Variants in SATB1 observed in about 807,000 individuals in gnomAD.
The protein encoded by SATB1 is DNA-binding protein SATB1.
In SATB1, 11 loss-of-function variants were observed where a neutral mutation model predicts 86.9. The observed-to-expected ratio is 0.13, with a 90% CI of 0.08 to 0.21. The LOEUF (loss-of-function observed/expected upper bound fraction) is 0.21, where lower values mean the gene tolerates loss of function less well. Ranked by LOEUF, SATB1 falls within the 10% of genes least tolerant of loss-of-function variation. SATB1 has a pLI of 1.00. For synonymous variants in SATB1, 357 were observed against 357.2 expected, an observed-to-expected ratio of 1.00 and a Z score of 0.01; for missense variants, 551 against 937.6, an observed-to-expected ratio of 0.59 and a Z score of 5.39.
intron 8 of SATB1, among the ~76,000 whole-genome samples, chr3:18,385,550 G>C (rs1466639906): frequency 1.3e-5 from 2 of 151,594 alleles, no homozygotes; most frequent in Non-Finnish European, 2.9e-5. Flanking sequence ...GTGAACCCGG[G>C]AGGCAGAGCT....
At chr3:18,351,814 G>T in intron 10 of SATB1, 178 bp downstream of exon 10, 2 of 621,468 alleles carry the variant, frequency 3.2e-6, no homozygotes, top group Non-Finnish European at 5.6e-6. Context: ...CGATACATAC[G>T]CTGGAAAAAG....
chr3:18,387,215 C>T (rs374187586), intron 7 of SATB1, among the ~76,000 whole-genome samples: 1 of 152,182 alleles, frequency 6.6e-6, no homozygotes. Flanking sequence ...TTTCAGAGAA[C>T]CTCACTGATT....
intron 2 of SATB1, among the ~76,000 whole-genome samples, chr3:18,436,108 A>G (rs1699050926): frequency 6.6e-6 from 1 of 152,218 alleles, no homozygotes. Flanking sequence ...TTTCAGAATT[A>G]GTTTTAAGGA....
upstream of SATB1, among the ~76,000 whole-genome samples, chr3:18,443,437 G>A (rs917034782): frequency 6.6e-6 from 1 of 152,236 alleles, no homozygotes; most frequent in African/African-American, 2.4e-5. This position sits in a 1 kb window ranked among gnomAD's most constrained non-coding sequence, Gnocchi z 4.4. Context: ...CACTGAGAAA[G>A]TTCGCCAAGG....
At chr3:18,408,577 G>T (rs1575154037) in intron 5 of SATB1, 1 of 151,952 alleles carries the variant, frequency 6.6e-6, no homozygotes, top group Non-Finnish European at 1.5e-5. Flanking sequence ...TTATGTTAAA[G>T]GCTCTCTTAT....
chr3:18,386,384 A>G lies in SATB1; in HGVS notation c.1419+15T>C. On this transcript the variant is annotated intron_variant, in intron 8 of 10. Transcript: ENST00000338745. This position sits in a 1 kb window ranked among gnomAD's most constrained non-coding sequence, Gnocchi z 4.5. ...AGCTAAACAAAGAAGGGCAAGGAGG[A>G]AAAGGAGACCGCACCTGGGGAGGAC... The G allele has an allele frequency of 6.2e-7, 1 of 1,601,904 alleles. No individual in the cohort carries two copies. Among genetic ancestry groups the G allele is most frequent in the Non-Finnish European group, 8.5e-7 (1 of 1,170,922 alleles).
rs1261807164 is a variant in SATB1, at chr3:18,397,243, T to C, written c.687A>G (p.Ser229=). The C allele has an allele frequency of 1.2e-6, 2 of 1,612,720 alleles. No homozygotes were observed. The highest frequency in any genetic ancestry group is 1.7e-6 in the Non-Finnish European group (2 of 1,178,778). The stretch of plus-strand genomic sequence containing the variant: ...TTCCAAATTCTTGACATTTTGCTGC[T>C]GAGACATTTGCATAGTAAGTACTGT... ...IVNSTYYANV[S]AAKCQEFGRW... The change falls in exon 6 of 11, where the codon TCA becomes TCG. Residue 229 remains serine (S), a synonymous_variant. Coordinates refer to ENST00000338745, the MANE Select transcript of SATB1 (RefSeq NM_002971.6).
At chr3:18,440,613 G>C (rs1462877266), upstream of SATB1, among the ~76,000 whole-genome samples, 1 of 152,180 alleles carries the variant, frequency 6.6e-6, no homozygotes, top group African/African-American at 2.4e-5. Context: ...GAAGTAGGAA[G>C]TGTTCATTCC....
At chr3:18,397,765 AC>A (rs1697039602) in intron 5 of SATB1, among the ~76,000 whole-genome samples, 1 of 152,162 alleles carries the variant, frequency 6.6e-6, no homozygotes, top group Non-Finnish European at 1.5e-5. Context: ...CTTGGGCCCT[AC>A]CCCAGACCAG....
At chr3:18,380,182 C>T (rs541980325) in intron 8 of SATB1, among the ~76,000 whole-genome samples, 2 of 152,220 alleles carry the variant, frequency 1.3e-5, no homozygotes, top group African/African-American at 2.4e-5. Context: ...AAAAGAAAAG[C>T]CATTTCAATC....
At chr3:18,428,261 T>C (rs896591910), upstream of SATB1, among the ~76,000 whole-genome samples, 1 of 152,150 alleles carries the variant, frequency 6.6e-6, no homozygotes. Context: ...TTGAGTATGC[T>C]AGCTCAGGGC....
intron 2 of SATB1, among the ~76,000 whole-genome samples, chr3:18,432,708 A>G (rs998569541): frequency 1.3e-5 from 2 of 152,162 alleles, no homozygotes; most frequent in Non-Finnish European, 2.9e-5. Flanking sequence ...ATGGTTGCAC[A>G]ACAGTGTGTA....
chr3:18,374,448 C>T (rs1260242472), intron 9 of SATB1, among the ~76,000 whole-genome samples: 1 of 152,122 alleles, frequency 6.6e-6, no homozygotes, highest in East Asian at 1.9e-4. Flanking sequence ...ATATGATTCA[C>T]TTGGAAAAAC....
chr3:18,425,474 G>A (rs1434406111), upstream of SATB1: 1 of 150,792 alleles, frequency 6.6e-6, no homozygotes, highest in East Asian at 2.0e-4. Flanking sequence ...ATTAAAACCC[G>A]GGCTGGAGGG....
chr3:18,351,569 T>A (rs1294665413), intron 10 of SATB1: 1 of 602,276 alleles, frequency 1.7e-6, no homozygotes, highest in Non-Finnish European at 2.9e-6. Flanking sequence ...ATCCAATGTA[T>A]AAAATTGTGA....
chr3:18,436,694 C>T (rs573297872), intron 2 of SATB1: 22 of 152,218 alleles, frequency 1.4e-4, no homozygotes, highest in African/African-American at 4.3e-4. Context: ...GTGCTCAATA[C>T]GTACAAGGCA....
At chr3:18,402,935 T>C (rs751595731) in intron 5 of SATB1, among the ~76,000 whole-genome samples, 4 of 152,118 alleles carry the variant, frequency 2.6e-5, no homozygotes, top group Admixed American at 6.6e-5. Context: ...GGAAAATGTA[T>C]AGTCATTTCA....
At chr3:18,382,499 C>T (rs1177161532) in intron 8 of SATB1, among the ~76,000 whole-genome samples, 3 of 152,146 alleles carry the variant, frequency 2.0e-5, no homozygotes, top group African/African-American at 4.8e-5. Context: ...ATACAATTCT[C>T]AGATAATAAT....
At chr3:18,382,168 T>C (rs1050896437) in intron 8 of SATB1, among the ~76,000 whole-genome samples, 2 of 152,220 alleles carry the variant, frequency 1.3e-5, no homozygotes, top group Admixed American at 6.5e-5. Context: ...AGATTAATCA[T>C]ATACTGTTTA....
Sources: gnomAD v4.1 joint callset for allele counts (sites outside exome capture counted in the v4.1 genomes callset) on GRCh38, gnomAD v4.1.1 for gene constraint, Gnocchi (gnomAD v3.1) non-coding constraint, MANE v1.5 for transcripts, NCBI Gene and HGNC (gene_info 2026-07-23, HGNC 2026-07-21) for gene names.